Variants in ASTN2 observed in about 807,000 individuals in gnomAD.
ASTN2 encodes astrotactin-2.
In ASTN2, 54 loss-of-function variants were observed where a neutral mutation model predicts 139.8. The ratio of observed to expected loss-of-function variants is 0.39; its 90% CI spans 0.31 to 0.48. The LOEUF (loss-of-function observed/expected upper bound fraction) is 0.48, where lower values mean the gene tolerates loss of function less well. ASTN2 is among the 20% of genes least tolerant of loss of function. ASTN2 has a pLI of 0.95. For missense variants in ASTN2, 1,565 were observed against 1,725.1 expected (o/e 0.91, Z 1.64); for synonymous variants, 756 against 719.5 (o/e 1.05, Z -0.81).
chr9:117,105,314 A>T (rs1829076085), intron 4 of ASTN2, among the ~76,000 whole-genome samples: 1 of 152,150 alleles, frequency 6.6e-6, no homozygotes, highest in Non-Finnish European at 1.5e-5. Flanking sequence ...TCTTAGGAAA[A>T]CTGCCACGGT....
intron 16 of ASTN2, among the ~76,000 whole-genome samples, chr9:116,704,649 T>C (rs757011836): frequency 5.9e-5 from 9 of 152,204 alleles, no homozygotes; most frequent in Non-Finnish European, 1.0e-4. Context: ...TTTTCAGACC[T>C]GTATTGGTGA....
rs1005804967 is a variant in ASTN2 at position 116,878,742 on chromosome 9, C to T, written c.1890-15009G>A. On this transcript the variant is annotated intron_variant, in intron 10 of 22. Coordinates refer to ENST00000313400, the MANE Select transcript of ASTN2 (RefSeq NM_001365068.1). ...AAAAAGAAATTCTCCTCTTCACCCA[C>T]CCCTCTTTCTCCTACCCTTTGCAAA... Among the ~76,000 whole-genome samples, 3 of 151,854 alleles carry T rather than the reference C, an allele frequency of 2.0e-5. No homozygotes were observed. The East Asian group carries it at 5.8e-4, about 29-fold the overall frequency.
chr9:116,687,096 A>G (rs1215442101), intron 16 of ASTN2: 1 of 1,172,940 alleles, frequency 8.5e-7, no homozygotes, highest in Non-Finnish European at 1.1e-6. Flanking sequence ...CCTTTCGCCC[A>G]TGGGCGTCGG....
intron 3 of ASTN2, among the ~76,000 whole-genome samples, chr9:117,206,672 C>T (rs142039144): frequency 6.6e-6 from 1 of 152,290 alleles, no homozygotes; most frequent in African/African-American, 2.4e-5. Context: ...GGCTGTGACT[C>T]TTGTCCTACA....
At chr9:117,174,534 A>G (rs950032239) in intron 3 of ASTN2, among the ~76,000 whole-genome samples, 3 of 151,994 alleles carry the variant, frequency 2.0e-5, no homozygotes, top group African/African-American at 7.2e-5. Context: ...ATTTATACAC[A>G]ATAGCATGAC....
chr9:117,198,703 G>A, intron 3 of ASTN2, among the ~76,000 whole-genome samples: 1 of 152,152 alleles, frequency 6.6e-6, no homozygotes, highest in Non-Finnish European at 1.5e-5. Context: ...AGATCCTTGA[G>A]GAATTGCCAT....
intron 10 of ASTN2, among the ~76,000 whole-genome samples, chr9:116,890,478 A>G (rs1205767168): frequency 6.6e-6 from 1 of 152,226 alleles, no homozygotes; most frequent in African/African-American, 2.4e-5. Flanking sequence ...TCTCAGGTCC[A>G]TGCACAAAAC....
intron 1 of ASTN2, among the ~76,000 whole-genome samples, chr9:117,359,769 T>C (rs1198875937): frequency 3.3e-5 from 5 of 152,106 alleles, no homozygotes; most frequent in Admixed American, 3.3e-4. Flanking sequence ...GAGTCAGGGA[T>C]TGCAGATTCA....
intron 1 of ASTN2, among the ~76,000 whole-genome samples, chr9:117,348,918 T>C (rs1488614084): frequency 6.8e-6 from 1 of 147,754 alleles, no homozygotes; most frequent in Non-Finnish European, 1.5e-5. Context: ...TAGCATCTAA[T>C]TGTGTGACTC....
At chr9:117,220,032 C>T (rs144064160) in intron 2 of ASTN2, among the ~76,000 whole-genome samples, 575 of 152,290 alleles carry the variant, frequency 3.8e-3, no homozygotes, top group Non-Finnish European at 6.8e-3. Flanking sequence ...TAAAATGAGG[C>T]TGATAGTTCA....
chr9:116,755,318 C>T (rs1184744007), intron 13 of ASTN2, among the ~76,000 whole-genome samples: 2 of 152,116 alleles, frequency 1.3e-5, no homozygotes, highest in East Asian at 1.9e-4. Context: ...CCCTGAGAAT[C>T]GCAGAATGTG....
chr9:116,547,568 T>G (rs1343621117), intron 19 of ASTN2: 3 of 152,216 alleles, frequency 2.0e-5, no homozygotes, highest in Non-Finnish European at 4.4e-5. Context: ...GACTTCATCT[T>G]TCCAATCCTA....
intron 20 of ASTN2, among the ~76,000 whole-genome samples, chr9:116,460,058 A>G (rs1848440901): frequency 6.6e-6 from 1 of 152,178 alleles, no homozygotes; most frequent in South Asian, 2.1e-4. Context: ...AAATAACTGA[A>G]TATTACTTGC....
At chr9:116,660,241 C>T (rs1858482849) in intron 16 of ASTN2, among the ~76,000 whole-genome samples, 1 of 151,072 alleles carries the variant, frequency 6.6e-6, no homozygotes, top group Admixed American at 6.6e-5. Context: ...GTGGAGATTC[C>T]AAAAATAAGA....
At chr9:117,016,937 T>C (rs1588484299) in intron 6 of ASTN2, among the ~76,000 whole-genome samples, 1 of 151,682 alleles carries the variant, frequency 6.6e-6, no homozygotes. Flanking sequence ...CTGTTTTCTG[T>C]CTTCCCTACC....
intron 16 of ASTN2, among the ~76,000 whole-genome samples, chr9:116,655,765 A>C (rs902321596): frequency 5.9e-5 from 9 of 152,104 alleles, no homozygotes; most frequent in Non-Finnish European, 1.3e-4. Flanking sequence ...ATCTCAGCTC[A>C]CTGAAATCTC....
chr9:117,054,985 C>T (rs1376286030), intron 5 of ASTN2, among the ~76,000 whole-genome samples: 1 of 152,172 alleles, frequency 6.6e-6, no homozygotes, highest in Non-Finnish European at 1.5e-5. Flanking sequence ...GGTTGGTGCT[C>T]CTATGAGAAT....
intron 4 of ASTN2, among the ~76,000 whole-genome samples, chr9:117,106,385 C>T (rs1046976679): frequency 2.6e-5 from 4 of 151,912 alleles, no homozygotes; most frequent in Admixed American, 6.6e-5. Context: ...TTAATAGAGA[C>T]GGGATTTTGC....
intron 20 of ASTN2, among the ~76,000 whole-genome samples, chr9:116,444,762 T>A (rs1220928702): frequency 6.6e-6 from 1 of 152,162 alleles, no homozygotes; most frequent in Non-Finnish European, 1.5e-5. Flanking sequence ...CTTGGGCAAG[T>A]CGCTTCACCT....
Sources: gnomAD v4.1 joint callset for allele counts (sites outside exome capture counted in the v4.1 genomes callset) on GRCh38, gnomAD v4.1.1 for gene constraint, MANE v1.5 for transcripts, NCBI Gene and HGNC (gene_info 2026-07-23, HGNC 2026-07-21) for gene names.